Variants in HEG1 observed in about 807,000 individuals in gnomAD.
HEG1 encodes protein HEG homolog 1.
In HEG1, 56 loss-of-function variants were observed where a neutral mutation model predicts 125.6. The ratio of observed to expected loss-of-function variants is 0.45; its 90% confidence interval spans 0.36 to 0.56. The LOEUF (loss-of-function observed/expected upper bound fraction) is 0.56, where lower values mean the gene tolerates loss of function less well. HEG1 is among the 20% of genes least tolerant of loss of function. The pLI is 0.00. For missense variants in HEG1, 1,523 were observed against 1,670.0 expected (o/e 0.91, Z 1.53); for synonymous variants, 644 against 668.5 (o/e 0.96, Z 0.57).
At chr3:125,021,914 G>A (rs1937341149) in intron 3 of HEG1, among the ~76,000 whole-genome samples, 1 of 152,098 alleles carries the variant, frequency 6.6e-6, no homozygotes, top group African/African-American at 2.4e-5. Flanking sequence ...CTACTCCAAT[G>A]GGCCCCTCAG....
intron 14 of HEG1, among the ~76,000 whole-genome samples, chr3:124,988,754 T>TA (rs1315801191): frequency 6.6e-6 from 1 of 152,136 alleles, no homozygotes; most frequent in Non-Finnish European, 1.5e-5. Context: ...CCGTCTCTAC[T>TA]AAAAATACAA....
At chr3:124,980,619 C>T (rs920590728) in intron 14 of HEG1, among the ~76,000 whole-genome samples, 3 of 151,994 alleles carry the variant, frequency 2.0e-5, no homozygotes, top group African/African-American at 7.2e-5. Context: ...CAGGTTCAAG[C>T]GATTCTCATG....
In HEG1 at chr3:125,013,631, C is replaced by T; in HGVS notation, c.1948G>A (p.Asp650Asn). Residue 650 changes from aspartate to asparagine, a missense_variant, in exon 6 of 17, where the codon GAC becomes AAC. By Grantham distance (23) the Asp-to-Asn change is conservative. Transcript: ENST00000311127. Reference sequence around the variant, plus strand: ...TCACTAACAAACTCAGCATCAGTGTCCAGAACAACCGAAGTGTTCGGCATA... The same window carrying T: ...TCACTAACAAACTCAGCATCAGTGTTCAGAACAACCGAAGTGTTCGGCATA... ...INMPNTSVVL[D>N]TDAEFVSDSS... is the part of the protein sequence containing the mutation. The T allele has an allele frequency of 2.5e-6, 4 of 1,609,338 alleles. No individual in the cohort carries two copies. Among genetic ancestry groups the T allele is most frequent in the Non-Finnish European group, 3.4e-6 (4 of 1,177,608 alleles).
In HEG1 at chr3:124,970,413, C is replaced by T. The variant is rs977650154; in HGVS notation, c.*239G>A. 1 of 496,744 alleles carries T rather than the reference C, an allele frequency of 2.0e-6. No individual in the cohort carries two copies. Among genetic ancestry groups the T allele is most frequent in the African/African-American group, 1.9e-5 (1 of 51,890 alleles). 30.8% of individuals were successfully genotyped at this position (496,744 alleles called of 1,614,324 possible). On this transcript the variant is annotated 3_prime_UTR_variant, in exon 17 of 17. Coordinates refer to ENST00000311127, the MANE Select transcript of HEG1 (RefSeq NM_020733.2). ...CATGGTGCAGTCACTCAGAGAGACT[C>T]TCTTGATACTGGCCCACATTCACGT... is the stretch of plus-strand genomic sequence containing the variant.
chr3:124,970,839 C>A, intron 16 of HEG1, 38 bp from the exon 17 acceptor site: 1 of 1,564,170 alleles, frequency 6.4e-7, no homozygotes, highest in Non-Finnish European at 8.7e-7. Flanking sequence ...GTCAATTTAT[C>A]ATTCTTGGGT....
intron 14 of HEG1, among the ~76,000 whole-genome samples, chr3:124,988,979 A>G (rs1310059930): frequency 6.6e-6 from 1 of 152,186 alleles, no homozygotes; most frequent in Admixed American, 6.5e-5. Context: ...ATGACTATAA[A>G]TATAATTGCT....
rs1936485422 is a variant in HEG1 at position 124,973,721 on chromosome 3, G to A, written c.3996+10C>T. The A allele has an allele frequency of 6.2e-7, 1 of 1,605,216 alleles. No homozygotes were observed. Among genetic ancestry groups the A allele is most frequent in the Non-Finnish European group, 8.5e-7 (1 of 1,175,734 alleles). ...GGGCCCTGGGGTCATCCTGACACAG[G>A]AATACACACCGAGTAGTACACATCC... On this transcript the variant is annotated intron_variant, in intron 16 of 16. Transcript: ENST00000311127.
At chr3:124,970,996 T>G in intron 16 of HEG1, 195 bp from the exon 17 acceptor site, 2 of 631,748 alleles carry the variant, frequency 3.2e-6, no homozygotes, top group Non-Finnish European at 2.8e-6. Context: ...ATCCTTCCTG[T>G]CCCAGCAACC....
chr3:125,010,014 C>G (rs1388812739), intron 7 of HEG1, among the ~76,000 whole-genome samples, 190 bp from the exon 8 acceptor site: 1 of 152,190 alleles, frequency 6.6e-6, no homozygotes, highest in Admixed American at 6.5e-5. Context: ...ACATAAACAA[C>G]TAACTGTAAA....
At chr3:125,005,121 C>A (rs1385806599) in intron 9 of HEG1, 144 bp downstream of exon 9, 8 of 617,094 alleles carry the variant, frequency 1.3e-5, no homozygotes, top group Non-Finnish European at 2.0e-5. Context: ...AAGGCTTTTT[C>A]TTTAACCAAG....
intron 7 of HEG1, 74 bp downstream of exon 7, chr3:125,010,364 GA>G: frequency 1.2e-6 from 1 of 822,572 alleles, no homozygotes; most frequent in Non-Finnish European, 1.9e-6. Flanking sequence ...CCACATTTTG[GA>G]GGAAAAAGGA....
Position 124,997,746 on chromosome 3 carries a change from G to C in HEG1, c.3595C>G (p.Leu1199Val). The C allele has an allele frequency of 6.3e-7, 1 of 1,598,398 alleles. No homozygotes were observed. Among genetic ancestry groups the C allele is most frequent in the Non-Finnish European group, 8.6e-7 (1 of 1,169,476 alleles). The stretch of plus-strand genomic sequence containing the variant: ...AAGTATCCCGACTTGCACTGGCACA[G>C]GGCAACGCCGTCCAGGTCAGTGCAG... The part of the protein sequence containing the change: ...SICTDLDGVA[L>V]CQCKSGYFQF... Residue 1199 changes from leucine (L) to valine (V), a missense_variant, in exon 12 of 17, where the codon CTG becomes GTG. Transcript: ENST00000311127.
At chr3:125,014,717 G>C in intron 5 of HEG1, 1 of 1,265,848 alleles carries the variant, frequency 7.9e-7, no homozygotes, top group Non-Finnish European at 1.0e-6. Flanking sequence ...CCCCACCTCC[G>C]AGTGCACTGG....
intron 1 of HEG1, among the ~76,000 whole-genome samples, chr3:125,047,622 G>T (rs1937694976): frequency 6.6e-6 from 1 of 152,154 alleles, no homozygotes; most frequent in Non-Finnish European, 1.5e-5. Context: ...CCATAATAAA[G>T]GTCCTAGTGG....
intron 8 of HEG1, among the ~76,000 whole-genome samples, chr3:125,005,924 C>T (rs1937065595): frequency 6.6e-6 from 1 of 152,192 alleles, no homozygotes; most frequent in African/African-American, 2.4e-5. Context: ...CCCCATTCCT[C>T]TTGGTCAGAG....
rs542889458 is a variant in HEG1, at chr3:124,968,443, T to C, written c.*2209A>G. 1 of 152,346 alleles carries C rather than the reference T, an allele frequency of 6.6e-6. No homozygotes were observed. Among genetic ancestry groups the C allele is most frequent in the East Asian group, 1.9e-4 (1 of 5,190 alleles). The allele number at this position is 152,346 out of a possible 1,614,324, so 9.4% of individuals were successfully genotyped here. ...GTTAGAACAACAAAATAAAACACTC[T>C]TAATCCACTCCATACGGAAGAAACC... On this transcript the variant is annotated 3_prime_UTR_variant, in exon 17 of 17. Coordinates refer to ENST00000311127, the MANE Select transcript of HEG1 (RefSeq NM_020733.2).
rs1295298529 is a variant in HEG1 at position 125,009,764 on chromosome 3, C to T, written c.3134G>A (p.Gly1045Glu). ...PSTAMCNNTQ[G>E]SFICKCPVGY... ...AACCGGGCATTTGCAGATAAAGGAT[C>T]CCTGAGTATTGTTGCACATGGCTGT... is the stretch of plus-strand genomic sequence containing the variant. The change falls in exon 8 of 17, where the codon GGA becomes GAA. Residue 1045 changes from glycine to glutamate, a missense_variant. Gly to Glu is a moderately conservative substitution (Grantham distance 98). Coordinates refer to ENST00000311127, the MANE Select transcript of HEG1 (RefSeq NM_020733.2). 9 of 1,613,522 alleles carry T rather than the reference C, an allele frequency of 5.6e-6. No homozygotes were observed. Among genetic ancestry groups the T allele is most frequent in the Non-Finnish European group, 7.6e-6 (9 of 1,179,640 alleles).
intron 12 of HEG1, among the ~76,000 whole-genome samples, chr3:124,993,286 A>G (rs1936861778): frequency 6.6e-6 from 1 of 152,136 alleles, no homozygotes; most frequent in Non-Finnish European, 1.5e-5. Context: ...TTTACCTTTT[A>G]CATATTTTTA....
chr3:125,055,944 G>A lies in HEG1; in HGVS notation c.-54C>T, dbSNP rs1560039680. The A allele has an allele frequency of 1.2e-6, 1 of 854,154 alleles. No individual in the cohort carries two copies. The highest frequency in any genetic ancestry group is 1.4e-6 in the Non-Finnish European group (1 of 711,908). 52.9% of individuals were successfully genotyped at this position (854,154 alleles called of 1,614,324 possible). On this transcript the variant is annotated 5_prime_UTR_variant, in exon 1 of 17. Transcript: ENST00000311127. ...CCCGGCGCGCGGGGCGAGGGCAGCG[G>A]GCAGCGGGCAGCGGGCGGCGGGGGC...
Sources: gnomAD v4.1 joint callset for allele counts (sites outside exome capture counted in the v4.1 genomes callset) on GRCh38, gnomAD v4.1.1 for gene constraint, MANE v1.5 for transcripts, NCBI Gene and HGNC (gene_info 2026-07-23, HGNC 2026-07-21) for gene names.